ROBO2: variants seen among roughly 807,000 people sequenced by gnomAD.
ROBO2 encodes roundabout homolog 2.
A neutral mutation model predicts 160.8 loss-of-function variants in ROBO2; 53 were observed. That is an observed-to-expected ratio of 0.33 (90% CI 0.26 to 0.41). ROBO2 has a LOEUF of 0.41. Ranked by LOEUF, ROBO2 falls within the 10% of genes least tolerant of loss-of-function variation. The probability of loss-of-function intolerance (pLI) is 1.00; values close to 1 mark genes in which losing one functional copy is unlikely to be tolerated. For missense variants in ROBO2, 1,577 were observed against 1,722.4 expected (o/e 0.92, Z 1.49); for synonymous variants, 664 against 611.7 (o/e 1.09, Z -1.26).
In ROBO2 at chr3:76,049,389, A is replaced by G. The variant is rs868852256; in HGVS notation, c.109+111787A>G. ...CCACCCCTGGCTAATTTTAGTATAT[A>G]TATATATATATATATTTTTTTTTTT... On this transcript the variant is annotated intron_variant, in intron 2 of 26. Transcript: ENST00000487694. 3.8e-3 allele frequency among the ~76,000 whole-genome samples: 272 copies of G among 72,334 alleles called. 7 individuals carry two copies. Among genetic ancestry groups the G allele is most frequent in the African/African-American group, 0.024 (231 of 9,824 alleles). The allele number at this position is 72,334 out of a possible 152,430, so 47.5% of individuals were successfully genotyped here. A position where few individuals can be genotyped will look rare whatever the true frequency, so the allele number is the denominator to read the frequency against.
chr3:76,069,343 T>C (rs997772844), intron 2 of ROBO2, among the ~76,000 whole-genome samples: 1 of 128,330 alleles, frequency 7.8e-6, no homozygotes, highest in African/African-American at 2.6e-5. Context: ...CTGTTATTTC[T>C]ATTTTTCCCA....
At chr3:76,797,595 G>C (rs2063802098) in intron 2 of ROBO2, among the ~76,000 whole-genome samples, 1 of 150,938 alleles carries the variant, frequency 6.6e-6, no homozygotes. Flanking sequence ...TTAGAAAAAA[G>C]AAAATCAAAA....
intron 16 of ROBO2, among the ~76,000 whole-genome samples, chr3:77,584,967 C>CATAT (rs1340553988): frequency 6.8e-6 from 1 of 147,256 alleles, no homozygotes; most frequent in African/African-American, 2.5e-5. Flanking sequence ...TATATATACA[C>CATAT]ACATATATAT....
intron 2 of ROBO2, among the ~76,000 whole-genome samples, chr3:77,016,427 A>T (rs1416142481): frequency 6.6e-6 from 1 of 152,174 alleles, no homozygotes; most frequent in African/African-American, 2.4e-5. Flanking sequence ...CATTGCAAAT[A>T]CCACATTTTC....
intron 2 of ROBO2, among the ~76,000 whole-genome samples, chr3:76,326,279 A>ATATTCTGAAAATAATT (rs2073007883): frequency 2.0e-5 from 3 of 152,202 alleles, no homozygotes; most frequent in African/African-American, 7.2e-5. Context: ...GGGAATAAAA[A>ATATTCTGAAAATAATT]TGACTATAAC....
chr3:76,626,936 C>A (rs775717586), intron 2 of ROBO2, among the ~76,000 whole-genome samples: 5 of 152,078 alleles, frequency 3.3e-5, no homozygotes, highest in Non-Finnish European at 4.4e-5. Context: ...GTGGTCCGCC[C>A]GCCTCGGCCT....
intron 2 of ROBO2, among the ~76,000 whole-genome samples, chr3:76,114,093 AG>A (rs1320196203): frequency 6.6e-6 from 1 of 152,174 alleles, no homozygotes; most frequent in African/African-American, 2.4e-5. Flanking sequence ...TAAATTATCT[AG>A]TCTCAGGCAT....
At chr3:77,050,230 T>TATACTTAAGA in intron 1 of ROBO2, among the ~76,000 whole-genome samples, 2 of 152,192 alleles carry the variant, frequency 1.3e-5, no homozygotes, top group African/African-American at 4.8e-5. Flanking sequence ...AGTACAGTTA[T>TATACTTAAGA]TGAAAACCAA....
At position 76,177,865 on chromosome 3, in the gene ROBO2, TTACC is replaced by T. The variant is rs540259815; in HGVS notation, c.109+240267_109+240270del. ...AAATAGAGGAGAGCTGAGTGGCAAA[TTACC>T]TACACTGTTCACAAACCAGCAGGCA... On this transcript the variant is annotated intron_variant, in intron 2 of 26. Coordinates refer to the ROBO2 transcript ENST00000487694. Among the ~76,000 whole-genome samples the T allele has an allele frequency of 1.4e-4, 22 of 152,236 alleles. No homozygotes were observed. The South Asian group carries it at 4.1e-3, about 29-fold the overall frequency.
At chr3:77,212,216 G>C (rs1330339503) in intron 2 of ROBO2, among the ~76,000 whole-genome samples, 1 of 152,170 alleles carries the variant, frequency 6.6e-6, no homozygotes, top group Non-Finnish European at 1.5e-5. Flanking sequence ...AGCATGGAAT[G>C]TTCTTCCATT....
chr3:77,457,947 T>G (rs2153568341), intron 2 of ROBO2, among the ~76,000 whole-genome samples: 1 of 152,288 alleles, frequency 6.6e-6, no homozygotes, highest in Non-Finnish European at 1.5e-5. Context: ...AAATAAATAC[T>G]TTATAAGAGA....
intron 2 of ROBO2, among the ~76,000 whole-genome samples, chr3:76,065,879 T>C (rs2068237696): frequency 6.6e-6 from 1 of 151,922 alleles, no homozygotes; most frequent in Non-Finnish European, 1.5e-5. Context: ...ATAGTCCCTA[T>C]ATTGAAAAAT....
chr3:77,414,429 T>A (rs913733619), intron 2 of ROBO2, among the ~76,000 whole-genome samples: 3 of 152,150 alleles, frequency 2.0e-5, no homozygotes. Flanking sequence ...ATGAGGAATA[T>A]ATGGAGAGAA....
upstream of ROBO2, among the ~76,000 whole-genome samples, chr3:77,037,825 A>C (rs2149589812): frequency 6.6e-6 from 1 of 152,308 alleles, no homozygotes; most frequent in Non-Finnish European, 1.5e-5. Flanking sequence ...CTTTCTGTGA[A>C]CCATCTTAAA....
intron 2 of ROBO2, among the ~76,000 whole-genome samples, chr3:76,529,351 AT>A (rs767352135): frequency 6.6e-6 from 1 of 151,784 alleles, no homozygotes; most frequent in Non-Finnish European, 1.5e-5. Context: ...AGATTGGAGT[AT>A]TTTTTTTGGG....
intron 2 of ROBO2, among the ~76,000 whole-genome samples, chr3:77,293,419 C>T (rs370682359): frequency 1.3e-4 from 18 of 141,074 alleles, no homozygotes; most frequent in Admixed American, 2.1e-4. Context: ...GATGGTTAAA[C>T]GGGTAAGCTG....
intron 2 of ROBO2, among the ~76,000 whole-genome samples, chr3:77,156,905 G>A (rs1021421970): frequency 4.6e-5 from 7 of 151,266 alleles, no homozygotes; most frequent in African/African-American, 7.3e-5. Context: ...TATCTATATC[G>A]GTTGTTCCCA....
intron 2 of ROBO2, among the ~76,000 whole-genome samples, chr3:76,094,965 C>T (rs900252417): frequency 1.3e-5 from 2 of 152,038 alleles, no homozygotes; most frequent in South Asian, 2.1e-4. Flanking sequence ...AGTTAGGTGG[C>T]GGTAAAGCTT....
intron 2 of ROBO2, among the ~76,000 whole-genome samples, chr3:76,390,693 C>A (rs1489359478): frequency 6.6e-6 from 1 of 152,176 alleles, no homozygotes; most frequent in African/African-American, 2.4e-5. Context: ...GTAGGTCTGT[C>A]ACGGAAGTGT....
Sources: allele counts gnomAD v4.1 joint callset (sites outside exome capture counted in the v4.1 genomes callset), GRCh38; gene constraint gnomAD v4.1.1; transcripts MANE v1.5; gene names NCBI Gene and HGNC (gene_info 2026-07-23, HGNC 2026-07-21).